The following RARS1 variants were observed in gnomAD, a reference collection of about 807,000 sequenced individuals.
RARS1 encodes the protein arginine--tRNA ligase, cytoplasmic.
RARS1 carries 75 observed loss-of-function variants against 78.7 expected under a neutral mutation model. That is an observed-to-expected ratio of 0.95 (90% confidence interval 0.79 to 1.15). The LOEUF (loss-of-function observed/expected upper bound fraction) is 1.15, where lower values mean the gene tolerates loss of function less well. Ranked by LOEUF, RARS1 falls within the 50% of genes most tolerant of loss-of-function variation. The pLI is 0.00. For synonymous variants in RARS1, 273 were observed against 268.2 expected (o/e 1.02, Z -0.18); for missense variants, 787 against 787.5 (o/e 1.00, Z 0.01).
intron 2 of RARS1, among the ~76,000 whole-genome samples, chr5:168,491,205 A>G (rs1758076533): frequency 6.6e-6 from 1 of 152,206 alleles, no homozygotes; most frequent in Non-Finnish European, 1.5e-5. Flanking sequence ...GTATAAGATC[A>G]TAATCTAGGC....
Position 168,493,880 on chromosome 5 carries a change from A to T in RARS1, c.370-14A>T. 6.3e-7 allele frequency: 1 copy of T among 1,582,170 alleles called. No individual in the cohort carries two copies. The highest frequency in any genetic ancestry group is 8.7e-7 in the Non-Finnish European group (1 of 1,153,126). On this transcript the variant is annotated splice_polypyrimidine_tract_variant and intron_variant, in intron 3 of 14. Transcript: ENST00000231572. The stretch of plus-strand genomic sequence containing the variant: ...AATCTGTTGTGTAATGAATCATTTT[A>T]TATTGTGTTGTAGATGCTCAAAACC...
chr5:168,506,002 A>G lies in RARS1; in HGVS notation c.1058-19A>G, dbSNP rs780493378. 1 of 1,577,396 alleles carries G rather than the reference A, an allele frequency of 6.3e-7. No homozygotes were observed. The highest frequency in any genetic ancestry group is 8.6e-7 in the Non-Finnish European group (1 of 1,166,172). On this transcript the variant is annotated intron_variant, in intron 9 of 14. Transcript: ENST00000231572. ...AGGGTTCTTTTAACTTTATTAATGAAGTGTTTTTTACCCCCTAGGATTTGT... is the reference window on the plus strand; with the variant it reads ...AGGGTTCTTTTAACTTTATTAATGAGGTGTTTTTTACCCCCTAGGATTTGT...
At chr5:168,511,760 G>A (rs1355436027) in intron 12 of RARS1, among the ~76,000 whole-genome samples, 1 of 152,078 alleles carries the variant, frequency 6.6e-6, no homozygotes, top group East Asian at 1.9e-4. Flanking sequence ...TCACCCCAGA[G>A]ATTTTCCTAT....
intron 12 of RARS1, among the ~76,000 whole-genome samples, chr5:168,515,742 A>G (rs1046210836): frequency 6.6e-6 from 1 of 152,178 alleles, no homozygotes. Flanking sequence ...CGTGTGTGCT[A>G]ATGCCCTTCC....
rs190465986 is a variant in RARS1, at chr5:168,500,974, T to C, written c.952+254T>C. On this transcript the variant is annotated intron_variant, in intron 8 of 14. Coordinates refer to ENST00000231572, the MANE Select transcript of RARS1 (RefSeq NM_002887.4). ...AAGTGGAAAATAAAAAGAAATCTTA[T>C]TCACAGTAGCAACAAAACCTATAAA... Among the ~76,000 whole-genome samples, 199 of 152,256 alleles carry C rather than the reference T, an allele frequency of 1.3e-3. 1 individual carries two copies. In the Middle Eastern group the frequency reaches 0.017, roughly 13 times the overall value.
chr5:168,500,773 C>G, intron 8 of RARS1, 53 bp downstream of exon 8: 2 of 1,557,940 alleles, frequency 1.3e-6, no homozygotes, highest in Non-Finnish European at 1.7e-6. Flanking sequence ...TATATCATTT[C>G]CTGGAGTCTT....
At chr5:168,517,728 A>G (rs901746480) in intron 13 of RARS1, 87 bp from the exon 14 acceptor site, 8 of 1,382,676 alleles carry the variant, frequency 5.8e-6, no homozygotes, top group Non-Finnish European at 7.5e-6. Flanking sequence ...CTTCTTTTTA[A>G]TCGGTGATAA....
In RARS1 at chr5:168,494,540, T is replaced by C. The variant is rs1053662082; in HGVS notation, c.479-10T>C. ...ACAGTATCTGATATTTTTTCTCTTC[T>C]ATCCATTAGGTTTTATTAATGTCCA... is the stretch of plus-strand genomic sequence containing the variant. On this transcript the variant is annotated splice_polypyrimidine_tract_variant and intron_variant, in intron 4 of 14. Transcript: ENST00000231572. 12 of 1,605,758 alleles carry C rather than the reference T, an allele frequency of 7.5e-6. No individual in the cohort carries two copies. The African/African-American group carries it at 1.5e-4, about 20-fold the overall frequency.
intron 2 of RARS1, among the ~76,000 whole-genome samples, chr5:168,490,270 C>T (rs773985832): frequency 5.3e-5 from 8 of 152,160 alleles, no homozygotes; most frequent in Non-Finnish European, 1.0e-4. Flanking sequence ...ATTCATTCTA[C>T]ACTTATATAT....
At chr5:168,507,718 C>T (rs771125323) in intron 11 of RARS1, among the ~76,000 whole-genome samples, 12 of 152,192 alleles carry the variant, frequency 7.9e-5, no homozygotes, top group Admixed American at 4.6e-4. Context: ...GTTTCTTCTC[C>T]GTGGATCTGC....
chr5:168,518,708 T>C (rs539626762), intron 14 of RARS1, among the ~76,000 whole-genome samples: 2 of 152,316 alleles, frequency 1.3e-5, no homozygotes, highest in African/African-American at 4.8e-5. Flanking sequence ...AAGTAGGCAT[T>C]TGTTAAAGTC....
intron 2 of RARS1, 120 bp from the exon 3 acceptor site, chr5:168,492,539 G>A: frequency 1.2e-6 from 1 of 848,230 alleles, no homozygotes. Flanking sequence ...CACACCATAA[G>A]TACGTTTTCC....
intron 9 of RARS1, among the ~76,000 whole-genome samples, chr5:168,504,535 G>A (rs200224659): frequency 0.039 from 5,146 of 130,446 alleles, 386 homozygotes; most frequent in Admixed American, 0.2. Context: ...AAAAAAAAAA[G>A]AAAAAAAAAT....
intron 5 of RARS1, 192 bp from the exon 6 acceptor site, chr5:168,495,123 A>G (rs969244281): frequency 1.1e-6 from 1 of 942,814 alleles, no homozygotes; most frequent in Non-Finnish European, 1.5e-6. Context: ...AGTTAAAAAT[A>G]TACAAGCAGA....
intron 4 of RARS1, 76 bp from the exon 5 acceptor site, chr5:168,494,474 C>T: frequency 2.5e-6 from 4 of 1,577,178 alleles, no homozygotes; most frequent in Non-Finnish European, 3.4e-6. Context: ...AGGTCAGTGT[C>T]TGGAGCAAAT....
intron 8 of RARS1, 89 bp from the exon 9 acceptor site, chr5:168,501,912 A>G: frequency 6.8e-7 from 1 of 1,480,562 alleles, no homozygotes; most frequent in South Asian, 1.4e-5. Context: ...ATTTGTATTA[A>G]TAAATTTATT....
rs1343329312 is a variant in RARS1, at chr5:168,518,193, C to T, written c.1873+131C>T. 3 of 1,093,898 alleles carry T rather than the reference C, an allele frequency of 2.7e-6. No individual in the cohort carries two copies. The South Asian group carries it at 6.4e-5, about 23-fold the overall frequency. The allele number at this position is 1,093,898 out of a possible 1,614,324, so 67.8% of individuals were successfully genotyped here. A position where few individuals can be genotyped will look rare whatever the true frequency, so the allele number is the denominator to read the frequency against. On this transcript the variant is annotated intron_variant, in intron 14 of 14. Coordinates refer to ENST00000231572, the MANE Select transcript of RARS1 (RefSeq NM_002887.4). ...CAAACTTCTGGCCTCAAGTGATTCT[C>T]CCACTTGAGCCTCCCGAATGGCTGG...
intron 7 of RARS1, among the ~76,000 whole-genome samples, chr5:168,498,611 A>G (rs919022910): frequency 6.6e-6 from 1 of 151,902 alleles, no homozygotes; most frequent in Non-Finnish European, 1.5e-5. Flanking sequence ...ATTTTTTTCT[A>G]TTTTAGAGGT....
Position 168,497,236 on chromosome 5 carries a change from A to G in RARS1, c.710A>G (p.His237Arg), listed in dbSNP as rs775832079. Residue 237 changes from histidine to arginine, a missense_variant, in exon 7 of 15, where the codon CAT becomes CGT. Coordinates refer to ENST00000231572, the MANE Select transcript of RARS1 (RefSeq NM_002887.4). ...FAGYDVLRLN[H>R]VGDWGTQFGM... ...TCTCTGATTGGTGTTAGGTTAAATC[A>G]TGTAGGAGACTGGGGGACCCAGTTT... 38 of 1,557,836 alleles carry G rather than the reference A, an allele frequency of 2.4e-5. No individual in the cohort carries two copies. The South Asian group carries it at 4.0e-4, about 16-fold the overall frequency.
Sources: gnomAD v4.1 joint callset for allele counts (sites outside exome capture counted in the v4.1 genomes callset) on GRCh38, gnomAD v4.1.1 for gene constraint, MANE v1.5 for transcripts, NCBI Gene and HGNC (gene_info 2026-07-23, HGNC 2026-07-21) for gene names.